The following FES variants were observed in gnomAD, a reference collection of about 807,000 sequenced individuals.
FES encodes tyrosine-protein kinase Fes/Fps.
In FES, 83 loss-of-function variants were observed where a neutral mutation model predicts 109.6. The ratio of observed to expected loss-of-function variants is 0.76; its 90% CI spans 0.63 to 0.91. FES has a LOEUF of 0.91. Ranked by LOEUF, FES falls within the 40% of genes least tolerant of loss-of-function variation. The pLI is 0.00. For synonymous variants in FES, 458 were observed against 442.1 expected, an observed-to-expected ratio of 1.04 and a Z score of -0.45; for missense variants, 943 against 1,070.9, an observed-to-expected ratio of 0.88 and a Z score of 1.67.
chr15:90,885,218 G>T lies in FES; in HGVS notation c.173G>T (p.Gly58Val). Residue 58 changes from glycine to valine, a missense_variant, in exon 2 of 19, where the codon GGC (glycine) becomes GTC (valine). By Grantham distance (109) the Gly-to-Val change is moderately radical (BLOSUM62 -3). Transcript: ENST00000328850. ...CACATGTCCCTGCAGGACAGTGGGGGCCAGAGCCGGGCCATCAGCCCTGAC... is the reference window on the plus strand; with the variant it reads ...CACATGTCCCTGCAGGACAGTGGGGTCCAGAGCCGGGCCATCAGCCCTGAC... Reference protein sequence around the residue: ...LHHMSLQDSGGQSRAISPDSP... With the variant: ...LHHMSLQDSGVQSRAISPDSP... 6.2e-7 allele frequency: 1 copy of T among 1,613,464 alleles called. No homozygotes were observed. The highest frequency in any genetic ancestry group is 1.1e-5 in the South Asian group (1 of 91,092).
chr15:90,886,880 C>G, intron 3 of FES, 81 bp from the exon 4 acceptor site: 1 of 1,382,768 alleles, frequency 7.2e-7, no homozygotes, highest in Non-Finnish European at 1.0e-6. Context: ...ACGACAGGAC[C>G]TTTCCAGGGC....
At chr15:90,890,067 C>T in intron 8 of FES, 25 bp from the exon 9 acceptor site, 1 of 1,534,634 alleles carries the variant, frequency 6.5e-7, no homozygotes, top group Non-Finnish European at 8.8e-7. Flanking sequence ...TTCTCATCCA[C>T]CCTCCCACCC....
chr15:90,894,563 C>T (rs1383759805), intron 18 of FES, among the ~76,000 whole-genome samples: 3 of 151,604 alleles, frequency 2.0e-5, no homozygotes, highest in Admixed American at 6.6e-5. Context: ...CCAGCCTGGG[C>T]GACAAGAGTG....
At position 90,889,901 on chromosome 15, in the gene FES, A is replaced by G. The variant is rs1037419030; in HGVS notation, c.988A>G (p.Met330Val). The part of the protein sequence containing the change: ...ATEMVFRRQE[M>V]VTQLQQELRN... ...CGAGATGGTGTTCAGGCGGCAGGAG[A>G]TGGTTACGCAGCTGCAACAGGAGCT... Residue 330 changes from methionine to valine, a missense_variant, in exon 8 of 19, where the codon ATG becomes GTG. By Grantham distance (21) the Met-to-Val change is conservative. Coordinates refer to ENST00000328850, the MANE Select transcript of FES (RefSeq NM_002005.4). The surrounding 1 kb of genome is among the most constrained non-coding windows in gnomAD (Gnocchi z 6.1). 2 of 1,612,826 alleles carry G rather than the reference A, an allele frequency of 1.2e-6. No homozygotes were observed. The highest frequency in any genetic ancestry group is 1.7e-6 in the Non-Finnish European group (2 of 1,179,814).
At chr15:90,884,934 G>A (rs1475851460) in intron 1 of FES, 103 bp from the exon 2 acceptor site, 3 of 939,362 alleles carry the variant, frequency 3.2e-6, no homozygotes, top group South Asian at 1.6e-5. Flanking sequence ...CCTCCTCCCC[G>A]TCTGCAGTCC....
chr15:90,886,919 T>C lies in FES; in HGVS notation c.388-42T>C, dbSNP rs368427477. On this transcript the variant is annotated intron_variant, in intron 3 of 18. Coordinates refer to ENST00000328850, the MANE Select transcript of FES (RefSeq NM_002005.4). ...ACCCCAGGCAAGAATCTTCCACAAC[T>C]GGGGACCTGCTGCCCCACACTGGCC... is the stretch of plus-strand genomic sequence containing the variant. 1.9e-6 allele frequency: 3 copies of C among 1,587,434 alleles called. No homozygotes were observed. In the African/African-American group the frequency reaches 4.0e-5, roughly 21 times the overall value.
At chr15:90,884,735 C>A in intron 1 of FES, 191 bp downstream of exon 1, 1 of 274,008 alleles carries the variant, frequency 3.6e-6, no homozygotes, top group Non-Finnish European at 7.0e-6. Flanking sequence ...CTTGGCCTGT[C>A]GAGGACCTGG....
Position 90,895,694 on chromosome 15 carries a change from G to A in FES, c.*136G>A. 1.4e-6 allele frequency: 1 copy of A among 722,812 alleles called. No individual in the cohort carries two copies. The highest frequency in any genetic ancestry group is 2.1e-6 in the Non-Finnish European group (1 of 483,824). 44.8% of individuals were successfully genotyped at this position (722,812 alleles called of 1,614,324 possible). ...GCATCCACACTGCCGGCAGGATGCA[G>A]CGCCGTGTCCTCTCTGTGTCCCTGC... On this transcript the variant is annotated 3_prime_UTR_variant, in exon 19 of 19. Coordinates refer to ENST00000328850, the MANE Select transcript of FES (RefSeq NM_002005.4).
chr15:90,891,351 C>A (rs1328226373), intron 11 of FES, 160 bp downstream of exon 11: 1 of 1,050,344 alleles, frequency 9.5e-7, no homozygotes. Flanking sequence ...CCTGTCCCTG[C>A]AACAAAATAG....
chr15:90,885,015 A>C, intron 1 of FES, 22 bp from the exon 2 acceptor site: 1 of 1,569,216 alleles, frequency 6.4e-7, no homozygotes, highest in Non-Finnish European at 8.6e-7. Context: ...GCCTCCAGGG[A>C]TGGCCCCTTT....
intron 14 of FES, 29 bp downstream of exon 14, chr15:90,892,854 G>T: frequency 6.3e-7 from 1 of 1,597,152 alleles, no homozygotes; most frequent in Non-Finnish European, 8.6e-7. Context: ...ATCACCACGG[G>T]TCCCGCATAC....
chr15:90,890,412 A>G lies in FES; in HGVS notation c.1248A>G (p.Arg416=). Residue 416 remains arginine (R), a synonymous_variant, in exon 10 of 19, where the codon CGA becomes CGG. Coordinates refer to ENST00000328850, the MANE Select transcript of FES (RefSeq NM_002005.4). ...GTCCCTGGCCTCAGGAGCAGGAGCG[A>G]GAGGGGGGAAGGACACCCACGCTGG... ...RHSTSSSEQE[R]EGGRTPTLEI... 1 of 1,612,900 alleles carries G rather than the reference A, an allele frequency of 6.2e-7. No homozygotes were observed. Among genetic ancestry groups the G allele is most frequent in the Admixed American group, 1.7e-5 (1 of 59,978 alleles).
At chr15:90,885,744 C>G (rs530667395) in intron 3 of FES, among the ~76,000 whole-genome samples, 159 bp downstream of exon 3, 4 of 152,250 alleles carry the variant, frequency 2.6e-5, no homozygotes, top group Non-Finnish European at 4.4e-5. Context: ...CTCTTCCTTC[C>G]CCTACGTTGA....
chr15:90,891,150 T>C lies in FES; in HGVS notation c.1489T>C (p.Trp497Arg). ...GKQEYVLSVL[W>R]DGLPRHFIIQ... ...GCAGGAGTACGTGCTGTCGGTGCTGTGGGATGGTCTGCCCCGGCACTTCAT... is the reference window on the plus strand; with the variant it reads ...GCAGGAGTACGTGCTGTCGGTGCTGCGGGATGGTCTGCCCCGGCACTTCAT... The change falls in exon 11 of 19, where the codon TGG (tryptophan) becomes CGG (arginine). Residue 497 changes from tryptophan to arginine, a missense_variant. Coordinates refer to ENST00000328850, the MANE Select transcript of FES (RefSeq NM_002005.4). 6.4e-7 allele frequency: 1 copy of C among 1,569,716 alleles called. No homozygotes were observed. The highest frequency in any genetic ancestry group is 8.6e-7 in the Non-Finnish European group (1 of 1,157,220).
In FES at chr15:90,885,111, C is replaced by A. The variant is rs369727348; in HGVS notation, c.66C>A (p.Ala22=). The change falls in exon 2 of 19, where the codon GCC becomes GCA. Residue 22 remains alanine, a synonymous_variant. Transcript: ENST00000328850. ...GHGVLQQMQE[A]ELRLLEGMRK... is the part of the protein sequence containing the mutation. Reference sequence around the variant, plus strand: ...GGGTCCTGCAGCAAATGCAGGAGGCCGAGCTTCGTCTACTGGAGGGCATGA... The same window carrying A: ...GGGTCCTGCAGCAAATGCAGGAGGCAGAGCTTCGTCTACTGGAGGGCATGA... The A allele has an allele frequency of 6.2e-7, 1 of 1,613,864 alleles. No individual in the cohort carries two copies. Among genetic ancestry groups the A allele is most frequent in the South Asian group, 1.1e-5 (1 of 91,086 alleles).
At chr15:90,893,861 G>C (rs1349858680) in intron 17 of FES, 50 bp downstream of exon 17, 1 of 1,605,136 alleles carries the variant, frequency 6.2e-7, no homozygotes, top group South Asian at 1.1e-5. Context: ...GCCAGGCCTG[G>C]GTCCTGCCGG....
chr15:90,892,271 C>A, intron 13 of FES, 160 bp downstream of exon 13: 1 of 760,436 alleles, frequency 1.3e-6, no homozygotes, highest in Non-Finnish European at 2.2e-6. Context: ...CTCCAGGAAA[C>A]GGGACAGTAC....
chr15:90,889,805 G>A lies in FES; in HGVS notation c.927-35G>A, dbSNP rs774065347. The A allele has an allele frequency of 6.2e-7, 1 of 1,612,150 alleles. No individual in the cohort carries two copies. The highest frequency in any genetic ancestry group is 2.2e-5 in the East Asian group (1 of 44,806). On this transcript the variant is annotated intron_variant, in intron 7 of 18. Coordinates refer to ENST00000328850, the MANE Select transcript of FES (RefSeq NM_002005.4). The surrounding 1 kb of genome is among the most constrained non-coding windows in gnomAD (Gnocchi z 6.1). ...GGACCTGGGTTGAGGGGGCAGGAGG[G>A]CTCGGTTCTAATGCTGCCCTTCTCT...
chr15:90,890,938 A>G, intron 10 of FES, 44 bp from the exon 11 acceptor site: 1 of 1,535,890 alleles, frequency 6.5e-7, no homozygotes, highest in Non-Finnish European at 8.8e-7. Flanking sequence ...CGGCCTCTTC[A>G]ACAAGGTGGT....
Sources: gnomAD v4.1 joint callset for allele counts (sites outside exome capture counted in the v4.1 genomes callset) on GRCh38, gnomAD v4.1.1 for gene constraint, Gnocchi (gnomAD v3.1) non-coding constraint, MANE v1.5 for transcripts, NCBI Gene and HGNC (gene_info 2026-07-23, HGNC 2026-07-21) for gene names.